Variants in XCR1 observed in about 807,000 individuals in gnomAD.
The protein encoded by XCR1 is X-C motif chemokine receptor 1.
For synonymous variants in XCR1, 187 were observed against 188.5 expected (o/e 0.99, Z 0.06); for missense variants, 356 against 424.2 (o/e 0.84, Z 1.41).
chr3:46,031,109 T>C (rs934032962), upstream of XCR1, among the ~76,000 whole-genome samples: 1 of 146,968 alleles, frequency 6.8e-6, no homozygotes, highest in East Asian at 1.9e-4. Flanking sequence ...CCTTAGAAGT[T>C]GGTGGGACAC....
At chr3:46,080,747 C>A (rs1698347486) in intron 1 of XCR1, among the ~76,000 whole-genome samples, 1 of 152,174 alleles carries the variant, frequency 6.6e-6, no homozygotes, top group Admixed American at 6.5e-5. Context: ...TCCCTTAGGG[C>A]TTCAATTACC....
At chr3:46,069,964 T>A (rs1189690825) in intron 3 of XCR1, among the ~76,000 whole-genome samples, 1 of 151,978 alleles carries the variant, frequency 6.6e-6, no homozygotes, top group East Asian at 1.9e-4. Flanking sequence ...TAGCACTGCT[T>A]TTGTTGTATC....
intron 5 of XCR1, among the ~76,000 whole-genome samples, chr3:46,047,670 T>C (rs960163632): frequency 6.6e-6 from 1 of 152,204 alleles, no homozygotes; most frequent in African/African-American, 2.4e-5. Flanking sequence ...TCCTAGATAA[T>C]GCCACTGAGG....
intron 3 of XCR1, among the ~76,000 whole-genome samples, chr3:46,069,844 G>A (rs1386876132): frequency 6.7e-6 from 1 of 149,896 alleles, no homozygotes; most frequent in African/African-American, 2.4e-5. Context: ...CTAGTTTTGG[G>A]TTTGTTTTTT....
At chr3:46,048,227 T>A (rs1458405390) in intron 5 of XCR1, among the ~76,000 whole-genome samples, 3 of 152,156 alleles carry the variant, frequency 2.0e-5, no homozygotes, top group Non-Finnish European at 4.4e-5. Context: ...CTGATTGTGA[T>A]AAATCTCAGG....
chr3:46,074,964 G>C (rs1698232712), intron 2 of XCR1, among the ~76,000 whole-genome samples: 1 of 151,978 alleles, frequency 6.6e-6, no homozygotes, highest in African/African-American at 2.4e-5. Context: ...TAACTACTAA[G>C]GACATTGAAT....
At chr3:46,068,628 C>T (rs1189752632) in intron 3 of XCR1, among the ~76,000 whole-genome samples, 1 of 152,150 alleles carries the variant, frequency 6.6e-6, no homozygotes, top group Non-Finnish European at 1.5e-5. Flanking sequence ...TGGCCTGATT[C>T]TTTTAAAGAT....
intron 4 of XCR1, among the ~76,000 whole-genome samples, chr3:46,056,738 T>G (rs1697859839): frequency 6.6e-6 from 1 of 152,062 alleles, no homozygotes; most frequent in Admixed American, 6.5e-5. Context: ...CTGCCCACCT[T>G]GGCTTCCCAA....
chr3:46,067,798 G>C (rs1293956028), intron 3 of XCR1, among the ~76,000 whole-genome samples: 1 of 152,154 alleles, frequency 6.6e-6, no homozygotes, highest in Admixed American at 6.5e-5. Flanking sequence ...AACAGGGAGA[G>C]AAGAGGAAAG....
upstream of XCR1, among the ~76,000 whole-genome samples, chr3:46,031,011 A>G (rs1450523083): frequency 6.6e-6 from 1 of 152,250 alleles, no homozygotes; most frequent in Non-Finnish European, 1.5e-5. Context: ...GCCCAGAACC[A>G]CTGTGGGGAA....
At chr3:46,024,198 G>C in intron 1 of XCR1, 2 of 308,630 alleles carry the variant, frequency 6.5e-6, no homozygotes, top group Non-Finnish European at 1.2e-5. Context: ...AAATAATACA[G>C]TAATAGTTAA....
At chr3:46,070,376 G>A (rs1698145227) in intron 3 of XCR1, among the ~76,000 whole-genome samples, 1 of 151,974 alleles carries the variant, frequency 6.6e-6, no homozygotes, top group African/African-American at 2.4e-5. Context: ...TGCTGTAGGT[G>A]GGATGCTGAA....
At chr3:46,023,867 G>A in intron 1 of XCR1, 1 of 1,529,804 alleles carries the variant, frequency 6.5e-7, no homozygotes, top group African/African-American at 1.4e-5. Context: ...GAGAATGAAA[G>A]ATTAAGGAAA....
At chr3:46,047,247 C>T (rs776027417) in intron 5 of XCR1, among the ~76,000 whole-genome samples, 1 of 152,192 alleles carries the variant, frequency 6.6e-6, no homozygotes, top group Non-Finnish European at 1.5e-5. Context: ...CAAGGCTCTA[C>T]AGACACGATG....
At chr3:46,037,195 G>A (rs1033202550) in intron 5 of XCR1, among the ~76,000 whole-genome samples, 6 of 152,032 alleles carry the variant, frequency 3.9e-5, no homozygotes, top group Non-Finnish European at 8.8e-5. Context: ...GTATATAAAA[G>A]CTACCCAAAA....
chr3:46,051,751 G>A (rs1292726798), intron 5 of XCR1, among the ~76,000 whole-genome samples: 1 of 152,230 alleles, frequency 6.6e-6, no homozygotes, highest in African/African-American at 2.4e-5. Flanking sequence ...AATTGGCTGG[G>A]AGCGGTGGCT....
chr3:46,084,243 AG>A (rs1011699042), intron 1 of XCR1, among the ~76,000 whole-genome samples: 11 of 152,220 alleles, frequency 7.2e-5, no homozygotes, highest in African/African-American at 2.4e-4. Flanking sequence ...CCTGGTGACA[AG>A]GGACAAGCTG....
At chr3:46,047,374 A>G (rs1200913746) in intron 5 of XCR1, among the ~76,000 whole-genome samples, 1 of 152,226 alleles carries the variant, frequency 6.6e-6, no homozygotes, top group Non-Finnish European at 1.5e-5. Context: ...ATCAAAGTAG[A>G]GATACTACGT....
chr3:46,069,251 TAAG>T (rs1190849127), intron 3 of XCR1, among the ~76,000 whole-genome samples: 5 of 149,910 alleles, frequency 3.3e-5, no homozygotes, highest in Non-Finnish European at 7.4e-5. Context: ...AGGAAAAAAA[TAAG>T]GAGCAAAATT....
Sources: allele counts gnomAD v4.1 joint callset (sites outside exome capture counted in the v4.1 genomes callset), GRCh38; gene constraint gnomAD v4.1.1; transcripts MANE v1.5; gene names NCBI Gene and HGNC (gene_info 2026-07-23, HGNC 2026-07-21).